The following RNF17 variants were observed in gnomAD, a reference collection of about 807,000 sequenced individuals.
The protein encoded by RNF17 is ring finger protein 17, also known as spermatogenesis associated 23.
In RNF17, 31 loss-of-function variants were observed where a neutral mutation model predicts 200.5. That is an observed-to-expected ratio of 0.15 (90% CI 0.12 to 0.21). The LOEUF is 0.21. Ranked by LOEUF, RNF17 falls within the 10% of genes least tolerant of loss-of-function variation. RNF17 has a pLI of 1.00. For missense variants in RNF17, 1,628 were observed against 1,905.1 expected (o/e 0.85, Z 2.71); for synonymous variants, 606 against 637.8 (o/e 0.95, Z 0.75).
At chr13:24,886,019 G>T in the RNF17 span, 6 of 377,694 alleles carry the variant, frequency 1.6e-5, no homozygotes, top group Non-Finnish European at 3.0e-5. Context: ...CAAATAACTG[G>T]GTATTTAGTT....
rs778283189 is a variant in RNF17, at chr13:24,764,177, C to T, written c.-27C>T. The T allele has an allele frequency of 1.0e-5, 16 of 1,563,698 alleles. No individual in the cohort carries two copies. In the South Asian group the frequency reaches 1.4e-4, roughly 14 times the overall value. On this transcript the variant is annotated 5_prime_UTR_variant, in exon 1 of 36. Transcript: ENST00000255324. ...GAGGGCCGCCGGGACTCGCACTCGGCGGTTGTTCCAGAAGAAAGAGACAGC... is the reference window on the plus strand; with the variant it reads ...GAGGGCCGCCGGGACTCGCACTCGGTGGTTGTTCCAGAAGAAAGAGACAGC...
chr13:24,846,232 T>C (rs566159047), intron 22 of RNF17, among the ~76,000 whole-genome samples: 1 of 152,336 alleles, frequency 6.6e-6, no homozygotes, highest in Non-Finnish European at 1.5e-5. Flanking sequence ...TCTGTCAGAG[T>C]TGTAGTCTAC....
intron 18 of RNF17, among the ~76,000 whole-genome samples, chr13:24,832,953 T>C (rs891011413): frequency 1.3e-5 from 2 of 152,110 alleles, no homozygotes; most frequent in African/African-American, 4.8e-5. Context: ...ACTTTGTTGC[T>C]CAGGCCAGTC....
chr13:24,870,240 C>T (rs1894113895), intron 31 of RNF17, among the ~76,000 whole-genome samples: 1 of 152,058 alleles, frequency 6.6e-6, no homozygotes, highest in African/African-American at 2.4e-5. Flanking sequence ...AGCCACCGCG[C>T]CCGGCCTAAT....
chr13:24,874,409 T>G, intron 33 of RNF17, 160 bp downstream of exon 33: 1 of 551,518 alleles, frequency 1.8e-6, no homozygotes, highest in Non-Finnish European at 2.9e-6. Context: ...AATTTACCAT[T>G]GTAGCTTTTT....
At chr13:24,857,355 T>C (rs1003466277) in intron 25 of RNF17, among the ~76,000 whole-genome samples, 1 of 152,112 alleles carries the variant, frequency 6.6e-6, no homozygotes, top group Non-Finnish European at 1.5e-5. Flanking sequence ...TTGGCAGAAT[T>C]TAGAACTTAG....
chr13:24,875,326 G>C (rs1894743754), intron 33 of RNF17, among the ~76,000 whole-genome samples: 1 of 152,144 alleles, frequency 6.6e-6, no homozygotes, highest in South Asian at 2.1e-4. Flanking sequence ...CCCAAAGAAA[G>C]CAGTTTACAA....
At chr13:24,755,058 A>G in the RNF17 span, among the ~76,000 whole-genome samples, 3 of 152,164 alleles carry the variant, frequency 2.0e-5, no homozygotes, top group Non-Finnish European at 1.5e-5. Flanking sequence ...ATATAGGTAT[A>G]TAATATCTAT....
At chr13:24,876,935 T>C in intron 33 of RNF17, 62 bp from the exon 34 acceptor site, 1 of 1,365,656 alleles carries the variant, frequency 7.3e-7, no homozygotes, top group South Asian at 1.4e-5. Context: ...TATGTTTTCT[T>C]CTAAGAATTG....
intron 32 of RNF17, among the ~76,000 whole-genome samples, chr13:24,871,252 A>T (rs1894217966): frequency 6.6e-6 from 1 of 152,230 alleles, no homozygotes; most frequent in African/African-American, 2.4e-5. Context: ...TTATTGCGGT[A>T]TGTAATGCAT....
At chr13:24,862,404 C>T (rs1439133888) in intron 27 of RNF17, among the ~76,000 whole-genome samples, 1 of 152,124 alleles carries the variant, frequency 6.6e-6, no homozygotes, top group African/African-American at 2.4e-5. Context: ...ACTGCATTGG[C>T]ATATTGGTCT....
intron 18 of RNF17, among the ~76,000 whole-genome samples, chr13:24,838,626 T>C (rs1890268895): frequency 6.6e-6 from 1 of 152,166 alleles, no homozygotes; most frequent in African/African-American, 2.4e-5. Context: ...CAGCATCCCT[T>C]TATGCTTAAA....
intron 32 of RNF17, 127 bp from the exon 33 acceptor site, chr13:24,873,987 T>C: frequency 2.3e-6 from 2 of 861,394 alleles, no homozygotes; most frequent in Non-Finnish European, 1.8e-6. Flanking sequence ...ATTCCGTATC[T>C]TGGCTATTGT....
the RNF17 span, chr13:24,885,770 T>C: frequency 1.2e-6 from 1 of 835,972 alleles, no homozygotes; most frequent in Non-Finnish European, 2.0e-6. Flanking sequence ...TGAACTGCTG[T>C]CCTTTATCCA....
intron 23 of RNF17, 50 bp downstream of exon 23, chr13:24,850,493 C>T (rs757262657): frequency 1.1e-5 from 13 of 1,133,358 alleles, no homozygotes; most frequent in South Asian, 1.4e-5. Flanking sequence ...ATGTTTCCAT[C>T]GATTCCATTT....
intron 18 of RNF17, among the ~76,000 whole-genome samples, chr13:24,839,791 G>T (rs1314747837): frequency 6.6e-6 from 1 of 152,116 alleles, no homozygotes; most frequent in Non-Finnish European, 1.5e-5. Flanking sequence ...AGAAGATACC[G>T]TTGGAAAAAC....
At chr13:24,829,843 G>T (rs1230865757) in intron 16 of RNF17, among the ~76,000 whole-genome samples, 1 of 151,988 alleles carries the variant, frequency 6.6e-6, no homozygotes, top group Non-Finnish European at 1.5e-5. Context: ...CTCTCTACTT[G>T]TTTTTTTGCA....
At chr13:24,821,345 A>G (rs1283174361) in intron 15 of RNF17, among the ~76,000 whole-genome samples, 1 of 147,864 alleles carries the variant, frequency 6.8e-6, no homozygotes, top group African/African-American at 2.4e-5. Context: ...TCTTTGGGGG[A>G]AGATACAAAT....
At chr13:24,873,467 G>A (rs979832991) in intron 32 of RNF17, among the ~76,000 whole-genome samples, 2 of 151,982 alleles carry the variant, frequency 1.3e-5, no homozygotes, top group African/African-American at 4.8e-5. Context: ...ATGTTTATGG[G>A]GTACATGTGA....
Sources: allele counts gnomAD v4.1 joint callset (sites outside exome capture counted in the v4.1 genomes callset), GRCh38; gene constraint gnomAD v4.1.1; transcripts MANE v1.5; gene names NCBI Gene and HGNC (gene_info 2026-07-23, HGNC 2026-07-21).